Variants in UNC5B observed in about 807,000 individuals in gnomAD.
The protein encoded by UNC5B is netrin receptor UNC5B.
A neutral mutation model predicts 103.7 loss-of-function variants in UNC5B; 56 were observed. The ratio of observed to expected loss-of-function variants is 0.54; its 90% CI spans 0.44 to 0.67. The LOEUF is 0.67. Among genes scored for constraint, UNC5B ranks in the 30% least tolerant of loss-of-function variants. The pLI is 0.00. For synonymous variants in UNC5B, 577 were observed against 542.0 expected (o/e 1.06, Z -0.90); for missense variants, 1,194 against 1,284.5 (o/e 0.93, Z 1.08).
intron 1 of UNC5B, among the ~76,000 whole-genome samples, chr10:71,242,866 G>GCCCTGCCAGCACCAGGA (rs1843937260): frequency 6.6e-6 from 1 of 152,190 alleles, no homozygotes; most frequent in Non-Finnish European, 1.5e-5. Flanking sequence ...CAGCAGCAGG[G>GCCCTGCCAGCACCAGGA]CACTGGGTGT....
At chr10:71,263,561 C>A (rs1437512369) in intron 1 of UNC5B, among the ~76,000 whole-genome samples, 1 of 152,202 alleles carries the variant, frequency 6.6e-6, no homozygotes, top group Non-Finnish European at 1.5e-5. Flanking sequence ...GCCCCCAGCC[C>A]CCAGCCGAGA....
At chr10:71,253,941 C>T (rs976610298) in intron 1 of UNC5B, among the ~76,000 whole-genome samples, 2 of 152,106 alleles carry the variant, frequency 1.3e-5, no homozygotes, top group African/African-American at 4.8e-5. Context: ...GCGTGTCCTT[C>T]CTGCTCACTA....
rs763976725 is a variant in UNC5B at position 71,293,823 on chromosome 10, C to T, written c.2065C>T (p.Arg689Cys). The T allele has an allele frequency of 1.3e-5, 21 of 1,611,680 alleles. 1 individual carries two copies. The highest frequency in any genetic ancestry group is 1.6e-4 in the Middle Eastern group (1 of 6,082). Residue 689 changes from arginine to cysteine, a missense_variant, in exon 13 of 17, where the codon CGC becomes TGC. Transcript: ENST00000335350. ...CGTGTTCACGGGCGAGTCCTATTCCCGCTCAGCAGTCAAGCGGCTCCAGCT... is the reference window on the plus strand; with the variant it reads ...CGTGTTCACGGGCGAGTCCTATTCCTGCTCAGCAGTCAAGCGGCTCCAGCT... Reference protein sequence around the residue: ...TYVFTGESYSRSAVKRLQLAV... With the variant: ...TYVFTGESYSCSAVKRLQLAV...
chr10:71,238,124 T>C (rs73276360), intron 1 of UNC5B, among the ~76,000 whole-genome samples: 8,805 of 152,196 alleles, frequency 0.058, 665 homozygotes, highest in African/African-American at 0.17. Context: ...GTGTGATCAT[T>C]AAAAACTAGA....
intron 1 of UNC5B, among the ~76,000 whole-genome samples, chr10:71,220,126 G>C (rs1310948160): frequency 6.6e-6 from 1 of 152,194 alleles, no homozygotes. Flanking sequence ...GTGTGCGCTT[G>C]GGTCACGAAC....
intron 1 of UNC5B, among the ~76,000 whole-genome samples, chr10:71,241,541 G>C (rs1843901511): frequency 6.6e-6 from 1 of 152,186 alleles, no homozygotes; most frequent in African/African-American, 2.4e-5. Flanking sequence ...ATCTGAGCAG[G>C]GGGAGGCTGC....
chr10:71,298,354 T>C (rs1472869649), intron 16 of UNC5B, among the ~76,000 whole-genome samples: 1 of 152,206 alleles, frequency 6.6e-6, no homozygotes, highest in East Asian at 1.9e-4. Flanking sequence ...GTGGGGATAA[T>C]GCTCCACCTG....
chr10:71,277,267 C>G (rs1844794855), intron 1 of UNC5B, among the ~76,000 whole-genome samples: 1 of 152,260 alleles, frequency 6.6e-6, no homozygotes, highest in African/African-American at 2.4e-5. Context: ...GGCCCCCATG[C>G]CCCTTCTCCT....
rs1292915753 is a variant in UNC5B at position 71,279,991 on chromosome 10, G to A, written c.250G>A (p.Glu84Lys). 2.5e-6 allele frequency: 4 copies of A among 1,614,078 alleles called. No homozygotes were observed. Among genetic ancestry groups the A allele is most frequent in the Non-Finnish European group, 3.4e-6 (4 of 1,180,034 alleles). ...ATQIYFKCNG[E>K]WVSQNDHVTQ... The stretch of plus-strand genomic sequence containing the variant: ...ACAGATCTACTTCAAGTGCAACGGC[G>A]AGTGGGTCAGCCAGAACGACCACGT... Residue 84 changes from glutamate to lysine, a missense_variant, in exon 2 of 17, where the codon GAG (glutamate) becomes AAG (lysine). Transcript: ENST00000335350.
Position 71,291,055 on chromosome 10 carries a change from T to C in UNC5B, c.1240T>C (p.Ser414Pro), listed in dbSNP as rs768062190. 1.2e-6 allele frequency: 2 copies of C among 1,614,090 alleles called. No individual in the cohort carries two copies. Among genetic ancestry groups the C allele is most frequent in the South Asian group, 2.2e-5 (2 of 91,074 alleles). Residue 414 changes from serine to proline, a missense_variant, in exon 9 of 17, where the codon TCT (serine) becomes CCT (proline). Coordinates refer to ENST00000335350, the MANE Select transcript of UNC5B (RefSeq NM_170744.5). Reference protein sequence around the residue: ...RDFDTDITDSSAALTGGFHPV... With the variant: ...RDFDTDITDSPAALTGGFHPV... ...CTTCGACACAGACATCACTGACTCA[T>C]CTGCTGCCCTGACTGGTGGTTTCCA...
chr10:71,298,132 C>T (rs1163828174), intron 16 of UNC5B, 42 bp downstream of exon 16: 3 of 1,548,218 alleles, frequency 1.9e-6, no homozygotes, highest in African/African-American at 1.4e-5. Flanking sequence ...CTGCCTTCGT[C>T]CTCAAGGTCT....
chr10:71,267,853 A>C (rs568548069), intron 1 of UNC5B, among the ~76,000 whole-genome samples: 49 of 152,330 alleles, frequency 3.2e-4, no homozygotes, highest in African/African-American at 1.1e-3. Context: ...CTTTCCCAGC[A>C]CTGGGACCAG....
At chr10:71,276,572 T>C (rs1276660969) in intron 1 of UNC5B, among the ~76,000 whole-genome samples, 1 of 152,212 alleles carries the variant, frequency 6.6e-6, no homozygotes, top group East Asian at 1.9e-4. Flanking sequence ...TAGCTGGGAT[T>C]AGAGGTGCAC....
chr10:71,224,364 GACACACACACACAC>G lies in UNC5B; in HGVS notation c.79+11339_79+11352del, dbSNP rs58378731. Reference sequence around the variant, plus strand: ...CTGGTCCATCCCACTTCTGTATGTAGACACACACACACACACACACACACACACACACACACACA... The same window carrying G: ...CTGGTCCATCCCACTTCTGTATGTAGACACACACACACACACACACACACA... On this transcript the variant is annotated intron_variant, in intron 1 of 16. Coordinates refer to ENST00000335350, the MANE Select transcript of UNC5B (RefSeq NM_170744.5). Among the ~76,000 whole-genome samples, 101 of 97,350 alleles carry G rather than the reference GACACACACACACAC, an allele frequency of 1.0e-3. 4 individuals carry two copies. The highest frequency in any genetic ancestry group is 5.7e-3 in the South Asian group (15 of 2,648). The allele number at this position is 97,350 out of a possible 152,430, so 63.9% of individuals were successfully genotyped here. A position where few individuals can be genotyped will look rare whatever the true frequency, so the allele number is the denominator to read the frequency against.
At chr10:71,223,281 A>G (rs1843487358) in intron 1 of UNC5B, among the ~76,000 whole-genome samples, 1 of 152,196 alleles carries the variant, frequency 6.6e-6, no homozygotes, top group South Asian at 2.1e-4. Context: ...AGAATGGATG[A>G]ATGAGAACTC....
At chr10:71,252,592 C>T (rs937330398) in intron 1 of UNC5B, among the ~76,000 whole-genome samples, 2 of 152,190 alleles carry the variant, frequency 1.3e-5, no homozygotes, top group African/African-American at 2.4e-5. Flanking sequence ...AGGCACTGCG[C>T]GAGCTTGTTG....
At chr10:71,260,260 C>T (rs1362318000) in intron 1 of UNC5B, among the ~76,000 whole-genome samples, 1 of 152,230 alleles carries the variant, frequency 6.6e-6, no homozygotes, top group Non-Finnish European at 1.5e-5. Flanking sequence ...TTGCCAGGGG[C>T]CTCAGGATAG....
At chr10:71,282,490 A>G (rs1844955980) in intron 2 of UNC5B, among the ~76,000 whole-genome samples, 1 of 152,084 alleles carries the variant, frequency 6.6e-6, no homozygotes, top group South Asian at 2.1e-4. Flanking sequence ...CTATCCAGCT[A>G]TTGGTGCTGC....
At chr10:71,223,286 G>T (rs983804040) in intron 1 of UNC5B, among the ~76,000 whole-genome samples, 2 of 152,208 alleles carry the variant, frequency 1.3e-5, no homozygotes, top group African/African-American at 4.8e-5. Context: ...GGATGAATGA[G>T]AACTCATGGT....
Sources: gnomAD v4.1 joint callset for allele counts (sites outside exome capture counted in the v4.1 genomes callset) on GRCh38, gnomAD v4.1.1 for gene constraint, MANE v1.5 for transcripts, NCBI Gene and HGNC (gene_info 2026-07-23, HGNC 2026-07-21) for gene names.